Variants in HPSE2 observed in about 807,000 individuals in gnomAD.
HPSE2 encodes heparanase 2 (inactive), also known as inactive heparanase-2.
HPSE2 carries 38 observed loss-of-function variants against 60.5 expected under a neutral mutation model. That is an observed-to-expected ratio of 0.63 (90% CI 0.48 to 0.82). The LOEUF (loss-of-function observed/expected upper bound fraction) is 0.82, where lower values mean the gene tolerates loss of function less well. Among genes scored for constraint, HPSE2 ranks in the 40% least tolerant of loss-of-function variants. The pLI is 0.00. For missense variants in HPSE2, 713 were observed against 740.4 expected (o/e 0.96, Z 0.43); for synonymous variants, 295 against 293.2 (o/e 1.01, Z -0.06).
chr10:98,583,177 GA>G (rs1435332797), intron 9 of HPSE2, among the ~76,000 whole-genome samples: 2 of 152,090 alleles, frequency 1.3e-5, no homozygotes, highest in East Asian at 1.9e-4. Flanking sequence ...AAATCAAAGG[GA>G]AAAACCCTGA....
At chr10:98,659,771 T>G (rs2134082881) in intron 6 of HPSE2, among the ~76,000 whole-genome samples, 1 of 152,232 alleles carries the variant, frequency 6.6e-6, no homozygotes, top group East Asian at 1.9e-4. Flanking sequence ...AAGAGTCTCT[T>G]TGAACAAATT....
intron 3 of HPSE2, among the ~76,000 whole-genome samples, chr10:98,864,604 C>T (rs1348575805): frequency 2.0e-5 from 3 of 152,158 alleles, no homozygotes; most frequent in African/African-American, 7.2e-5. Flanking sequence ...TAAGTCCACA[C>T]AAGGACTGAG....
chr10:98,968,035 TC>T (rs1564698437), intron 3 of HPSE2, among the ~76,000 whole-genome samples: 1 of 151,580 alleles, frequency 6.6e-6, no homozygotes, highest in African/African-American at 2.4e-5. Flanking sequence ...ATCATAGACT[TC>T]CCCCTCCCTA....
chr10:98,931,788 G>T lies in HPSE2; in HGVS notation c.611-187732C>A, dbSNP rs374530789. The stretch of plus-strand genomic sequence containing the variant: ...CTGCTTGTCTGTTGTTGGTGTATAG[G>T]AATGCTTGTGATTTCTGCACATTGA... On this transcript the variant is annotated intron_variant, in intron 3 of 11. Transcript: ENST00000370552. 7.0e-5 allele frequency among the ~76,000 whole-genome samples: 10 copies of T among 143,560 alleles called. 3 individuals carry two copies. Among genetic ancestry groups the T allele is most frequent in the African/African-American group, 2.8e-4 (10 of 35,204 alleles). The allele number at this position is 143,560 out of a possible 152,430, so 94.2% of individuals were successfully genotyped here. A position where few individuals can be genotyped will look rare whatever the true frequency, so the allele number is the denominator to read the frequency against.
At chr10:99,218,204 C>T (rs181797252) in intron 2 of HPSE2, among the ~76,000 whole-genome samples, 2 of 151,672 alleles carry the variant, frequency 1.3e-5, no homozygotes, top group Admixed American at 6.5e-5. Context: ...TCAAAGAACA[C>T]ATTATCTCCA....
At chr10:99,141,683 A>G (rs1845871761) in intron 3 of HPSE2, among the ~76,000 whole-genome samples, 1 of 152,194 alleles carries the variant, frequency 6.6e-6, no homozygotes, top group Admixed American at 6.5e-5. Flanking sequence ...TCTGGAGTAA[A>G]TAAGTGGCTG....
intron 9 of HPSE2, among the ~76,000 whole-genome samples, chr10:98,536,258 C>T (rs143375876): frequency 6.6e-6 from 1 of 152,328 alleles, no homozygotes; most frequent in East Asian, 1.9e-4. Flanking sequence ...GAATCAGAAT[C>T]AGAGTCATGG....
Position 98,721,664 on chromosome 10 carries a change from G to A in HPSE2, c.949C>T (p.Leu317=). ...GRPRKNVIAL[L]DGFMKVAGST... ...CTAAATAATCTGACCTACCCATCTA[G>A]GAGGGCGATGACATTCTTCCTCGGC... Residue 317 remains leucine, a synonymous_variant, in exon 5 of 12, where the codon CTA becomes TTA. Coordinates refer to ENST00000370552, the MANE Select transcript of HPSE2 (RefSeq NM_021828.5). 1 of 1,613,416 alleles carries A rather than the reference G, an allele frequency of 6.2e-7. No homozygotes were observed. Among genetic ancestry groups the A allele is most frequent in the Non-Finnish European group, 8.5e-7 (1 of 1,179,776 alleles).
At chr10:99,088,418 C>T (rs1843400800) in intron 3 of HPSE2, among the ~76,000 whole-genome samples, 1 of 152,120 alleles carries the variant, frequency 6.6e-6, no homozygotes, top group African/African-American at 2.4e-5. Context: ...GCCTTTGCAT[C>T]TCATAGCTTA....
intron 3 of HPSE2, among the ~76,000 whole-genome samples, chr10:99,114,901 CAAAAA>C (rs1223188167): frequency 1.8e-5 from 1 of 54,522 alleles, no homozygotes. Context: ...GACTCCGTCT[CAAAAA>C]AAAAAAAAAA....
intron 2 of HPSE2, among the ~76,000 whole-genome samples, chr10:99,144,924 G>GT (rs567304995): frequency 1.1e-3 from 117 of 107,982 alleles, no homozygotes; most frequent in Middle Eastern, 5.3e-3. Flanking sequence ...CCTGGTCATG[G>GT]TTTTTTCTGC....
At chr10:98,847,480 C>A (rs1327866536) in intron 3 of HPSE2, among the ~76,000 whole-genome samples, 1 of 152,196 alleles carries the variant, frequency 6.6e-6, no homozygotes, top group African/African-American at 2.4e-5. Context: ...ACACTGAAGC[C>A]TATGGTTTTG....
intron 3 of HPSE2, among the ~76,000 whole-genome samples, chr10:99,090,809 T>TA (rs896171423): frequency 5.3e-4 from 80 of 151,246 alleles, no homozygotes; most frequent in African/African-American, 1.6e-3. Flanking sequence ...GCTTATTGGT[T>TA]AAAAAAAAAG....
At chr10:98,866,686 T>C (rs527909589) in intron 3 of HPSE2, among the ~76,000 whole-genome samples, 68 of 152,004 alleles carry the variant, frequency 4.5e-4, no homozygotes, top group African/African-American at 1.6e-3. Flanking sequence ...ACAATGCAAG[T>C]GAGACAACAG....
Position 98,929,947 on chromosome 10 carries a change from T to C in HPSE2, c.611-185891A>G, listed in dbSNP as rs530243984. 3.5e-5 allele frequency among the ~76,000 whole-genome samples: 5 copies of C among 144,078 alleles called. 1 individual carries two copies. Among genetic ancestry groups the C allele is most frequent in the African/African-American group, 1.4e-4 (5 of 35,480 alleles). The allele number at this position is 144,078 out of a possible 152,430, so 94.5% of individuals were successfully genotyped here. On this transcript the variant is annotated intron_variant, in intron 3 of 11. Coordinates refer to ENST00000370552, the MANE Select transcript of HPSE2 (RefSeq NM_021828.5). ...CCCATAAATAAAGTTTTATTGGCTA[T>C]TGGCCTCTAGCCATGATCTCTTGTA... is the stretch of plus-strand genomic sequence containing the variant.
intron 6 of HPSE2, among the ~76,000 whole-genome samples, chr10:98,663,826 T>C (rs1947288523): frequency 6.6e-6 from 1 of 152,130 alleles, no homozygotes; most frequent in Non-Finnish European, 1.5e-5. Context: ...CCAGCTACCA[T>C]AACGCCAGTA....
At chr10:99,017,420 G>T (rs2496703) in intron 3 of HPSE2, among the ~76,000 whole-genome samples, 1 of 151,920 alleles carries the variant, frequency 6.6e-6, no homozygotes, top group African/African-American at 2.4e-5. Context: ...TGCTGAATTC[G>T]GTTTGCCAGT....
intron 3 of HPSE2, among the ~76,000 whole-genome samples, chr10:98,944,218 A>G (rs916397663): frequency 1.3e-5 from 2 of 152,076 alleles, no homozygotes; most frequent in African/African-American, 4.8e-5. Context: ...CCCAGATGGA[A>G]AATGTATTAA....
At chr10:98,577,880 C>T (rs1473403673) in intron 9 of HPSE2, among the ~76,000 whole-genome samples, 1 of 152,120 alleles carries the variant, frequency 6.6e-6, no homozygotes, top group Non-Finnish European at 1.5e-5. Context: ...TTTATTTGAG[C>T]TCTCCAAATG....
Sources: allele counts gnomAD v4.1 joint callset (sites outside exome capture counted in the v4.1 genomes callset), GRCh38; gene constraint gnomAD v4.1.1; transcripts MANE v1.5; gene names NCBI Gene and HGNC (gene_info 2026-07-23, HGNC 2026-07-21).